The following GRM8 variants were observed in gnomAD, a reference collection of about 807,000 sequenced individuals.
GRM8 encodes metabotropic glutamate receptor 8.
GRM8 carries 47 observed loss-of-function variants against 87.2 expected under a neutral mutation model. The observed-to-expected ratio is 0.54, with a 90% CI of 0.43 to 0.69. The LOEUF is 0.69. Among genes scored for constraint, GRM8 ranks in the 30% least tolerant of loss-of-function variants. The probability of loss-of-function intolerance (pLI) is 0.00; values close to 1 mark genes in which losing one functional copy is unlikely to be tolerated. For synonymous variants in GRM8, 396 were observed against 404.5 expected, an observed-to-expected ratio of 0.98 and a Z score of 0.25; for missense variants, 1,019 against 1,139.2, an observed-to-expected ratio of 0.89 and a Z score of 1.52.
At chr7:126,475,187 AAATG>A in intron 9 of GRM8, among the ~76,000 whole-genome samples, 1 of 152,320 alleles carries the variant, frequency 6.6e-6, no homozygotes, top group Non-Finnish European at 1.5e-5. Context: ...GAAAGAAGTG[AAATG>A]ACTAATGTTT....
chr7:126,535,118 A>ATT, intron 8 of GRM8, among the ~76,000 whole-genome samples: 1 of 152,332 alleles, frequency 6.6e-6, no homozygotes, highest in African/African-American at 2.4e-5. Context: ...ATCCAAAAGA[A>ATT]TTACTATACT....
At chr7:126,559,808 A>G (rs1312711900) in intron 8 of GRM8, among the ~76,000 whole-genome samples, 4 of 152,188 alleles carry the variant, frequency 2.6e-5, no homozygotes, top group Non-Finnish European at 4.4e-5. Flanking sequence ...GAAAATTTCA[A>G]TTGTAGGCTC....
intron 7 of GRM8, among the ~76,000 whole-genome samples, chr7:126,680,255 A>G (rs565690693): frequency 6.6e-6 from 1 of 152,278 alleles, no homozygotes; most frequent in East Asian, 1.9e-4. Flanking sequence ...GAAGACTGTC[A>G]AGAAGAGGTG....
intron 7 of GRM8, among the ~76,000 whole-genome samples, chr7:126,738,978 G>A (rs1814601624): frequency 6.6e-6 from 1 of 151,906 alleles, no homozygotes; most frequent in Non-Finnish European, 1.5e-5. Context: ...AATGTTTGGA[G>A]CCTTCAGCAA....
intron 7 of GRM8, among the ~76,000 whole-genome samples, chr7:126,697,688 A>G (rs900225058): frequency 6.6e-6 from 1 of 152,102 alleles, no homozygotes; most frequent in African/African-American, 2.4e-5. Context: ...GGAAATTAGT[A>G]TGCAATACTT....
At chr7:126,926,886 G>A (rs988082720) in intron 3 of GRM8, among the ~76,000 whole-genome samples, 1 of 152,194 alleles carries the variant, frequency 6.6e-6, no homozygotes, top group Non-Finnish European at 1.5e-5. Flanking sequence ...TCTAATTGGA[G>A]CATTTATTCC....
intron 9 of GRM8, among the ~76,000 whole-genome samples, chr7:126,514,676 C>T (rs1229432957): frequency 6.6e-6 from 1 of 151,548 alleles, no homozygotes; most frequent in African/African-American, 2.4e-5. Flanking sequence ...AATATCAATG[C>T]TTATAAAATT....
chr7:126,909,752 T>C (rs536414571), intron 3 of GRM8, among the ~76,000 whole-genome samples: 1 of 152,300 alleles, frequency 6.6e-6, no homozygotes, highest in South Asian at 2.1e-4. Flanking sequence ...ATTTACTCAA[T>C]GACACCATCT....
intron 6 of GRM8, among the ~76,000 whole-genome samples, chr7:126,855,221 T>C (rs945136544): frequency 3.3e-5 from 5 of 152,198 alleles, no homozygotes; most frequent in Non-Finnish European, 5.9e-5. Context: ...TGTACCTTAA[T>C]TCTTGACTTA....
At chr7:127,215,832 G>T (rs1386690124) in intron 2 of GRM8, among the ~76,000 whole-genome samples, 1 of 152,162 alleles carries the variant, frequency 6.6e-6, no homozygotes, top group Non-Finnish European at 1.5e-5. Context: ...CAGGGCTTTG[G>T]AGAGGTCCTA....
intron 8 of GRM8, among the ~76,000 whole-genome samples, chr7:126,550,896 A>T (rs13246469): frequency 6.6e-6 from 1 of 151,870 alleles, no homozygotes; most frequent in Admixed American, 6.6e-5. Context: ...AGTTGAAATT[A>T]CAGATACCTG....
At chr7:126,606,983 G>A (rs754186070) in intron 8 of GRM8, among the ~76,000 whole-genome samples, 2 of 152,204 alleles carry the variant, frequency 1.3e-5, no homozygotes, top group Non-Finnish European at 2.9e-5. Flanking sequence ...GGATTTTGCT[G>A]TGTAAATCCC....
intron 7 of GRM8, among the ~76,000 whole-genome samples, chr7:126,732,779 C>T (rs1813741979): frequency 6.6e-6 from 1 of 151,940 alleles, no homozygotes; most frequent in Admixed American, 6.6e-5. Context: ...AATCACTGTC[C>T]TCTGTACCAA....
chr7:127,251,926 A>G (rs906328606), intron 1 of GRM8, among the ~76,000 whole-genome samples: 8 of 152,118 alleles, frequency 5.3e-5, no homozygotes, highest in African/African-American at 1.9e-4. Flanking sequence ...GGAGAACGCA[A>G]ACTCGAGGCA....
chr7:126,458,084 T>A (rs1419813), intron 9 of GRM8, among the ~76,000 whole-genome samples: 2 of 149,114 alleles, frequency 1.3e-5, no homozygotes, highest in African/African-American at 2.4e-5. Flanking sequence ...ATGAAAATAG[T>A]ATCTAAAACT....
At chr7:126,978,624 A>T (rs1179831468) in intron 3 of GRM8, among the ~76,000 whole-genome samples, 1 of 152,220 alleles carries the variant, frequency 6.6e-6, no homozygotes, top group African/African-American at 2.4e-5. Flanking sequence ...AAGATGCTGA[A>T]ACCCTGATTG....
At chr7:126,800,885 T>C (rs1822597714) in intron 6 of GRM8, among the ~76,000 whole-genome samples, 1 of 152,252 alleles carries the variant, frequency 6.6e-6, no homozygotes, top group South Asian at 2.1e-4. Flanking sequence ...TTTAAAGCCA[T>C]GTATTATTAG....
chr7:126,888,443 T>A (rs1039190163), intron 6 of GRM8, among the ~76,000 whole-genome samples: 2 of 152,186 alleles, frequency 1.3e-5, no homozygotes, highest in African/African-American at 2.4e-5. Context: ...TCATTTTACA[T>A]CAGCCTGACA....
intron 3 of GRM8, among the ~76,000 whole-genome samples, chr7:127,033,428 G>T (rs982659248): frequency 1.3e-5 from 2 of 152,002 alleles, no homozygotes; most frequent in African/African-American, 4.8e-5. Flanking sequence ...AATTATAATT[G>T]TAAGTAGTAG....
Sources: allele counts gnomAD v4.1 joint callset (sites outside exome capture counted in the v4.1 genomes callset), GRCh38; gene constraint gnomAD v4.1.1; transcripts MANE v1.5; gene names NCBI Gene and HGNC (gene_info 2026-07-23, HGNC 2026-07-21).